DOCK3: variants seen among roughly 807,000 people sequenced by gnomAD.
DOCK3 encodes the protein dedicator of cytokinesis 3, also known as dedicator of cytokinesis protein 3.
A neutral mutation model predicts 265.6 loss-of-function variants in DOCK3; 60 were observed. The ratio of observed to expected loss-of-function variants is 0.23; its 90% confidence interval spans 0.18 to 0.28. DOCK3 has a LOEUF of 0.28. Among genes scored for constraint, DOCK3 ranks in the 10% least tolerant of loss-of-function variants. The pLI is 1.00. For synonymous variants in DOCK3, 881 were observed against 938.0 expected (o/e 0.94, Z 1.11); for missense variants, 1,981 against 2,594.3 (o/e 0.76, Z 5.14).
chr3:50,721,807 G>T (rs1021091395), intron 1 of DOCK3, among the ~76,000 whole-genome samples: 2 of 152,186 alleles, frequency 1.3e-5, no homozygotes, highest in South Asian at 4.2e-4. Flanking sequence ...TAACAATATT[G>T]GTTTCTTCAT....
At chr3:51,360,264 T>G (rs1009515096) in intron 46 of DOCK3, among the ~76,000 whole-genome samples, 1 of 152,218 alleles carries the variant, frequency 6.6e-6, no homozygotes, top group African/African-American at 2.4e-5. Context: ...CAGATGTGCT[T>G]CTCTTAATGT....
At chr3:51,181,009 G>A (rs2087259484) in intron 12 of DOCK3, among the ~76,000 whole-genome samples, 1 of 152,154 alleles carries the variant, frequency 6.6e-6, no homozygotes, top group African/African-American at 2.4e-5. Context: ...AAACCTGGAA[G>A]GAGGAGAAAA....
chr3:51,183,731 T>C (rs1396982724), intron 12 of DOCK3, among the ~76,000 whole-genome samples: 1 of 152,206 alleles, frequency 6.6e-6, no homozygotes, highest in Admixed American at 6.5e-5. Flanking sequence ...ACCAGGCTCC[T>C]ACTCATTCTT....
At chr3:50,715,153 A>G (rs1457038765) in intron 1 of DOCK3, among the ~76,000 whole-genome samples, 2 of 152,268 alleles carry the variant, frequency 1.3e-5, no homozygotes, top group East Asian at 1.9e-4. Context: ...TGCTCAGTGC[A>G]TATGTACTGA....
At chr3:50,739,303 C>T (rs924536095) in intron 1 of DOCK3, among the ~76,000 whole-genome samples, 10 of 152,020 alleles carry the variant, frequency 6.6e-5, no homozygotes, top group Non-Finnish European at 2.9e-5. Flanking sequence ...TGTATCTTCC[C>T]CTTCCTTAAC....
At chr3:51,055,490 G>T (rs543371250) in intron 5 of DOCK3, among the ~76,000 whole-genome samples, 1 of 152,266 alleles carries the variant, frequency 6.6e-6, no homozygotes, top group African/African-American at 2.4e-5. Flanking sequence ...GGATAGTTGT[G>T]CATGGGAAGG....
chr3:50,737,827 C>A (rs781203222), intron 1 of DOCK3, among the ~76,000 whole-genome samples: 1 of 152,136 alleles, frequency 6.6e-6, no homozygotes, highest in Admixed American at 6.5e-5. Context: ...ATTCAGTTGT[C>A]TGTGTTCCCC....
chr3:50,795,753 G>A (rs1438438734), intron 2 of DOCK3, among the ~76,000 whole-genome samples: 2 of 152,164 alleles, frequency 1.3e-5, no homozygotes, highest in Non-Finnish European at 2.9e-5. Context: ...CAAGCTCTGA[G>A]ATTCTTTCCT....
At chr3:50,925,084 T>C (rs1485889249) in intron 4 of DOCK3, among the ~76,000 whole-genome samples, 1 of 125,130 alleles carries the variant, frequency 8.0e-6, no homozygotes, top group Non-Finnish European at 1.9e-5. Flanking sequence ...CAGGTTACTG[T>C]TATTTTTATG....
intron 13 of DOCK3, among the ~76,000 whole-genome samples, chr3:51,213,742 A>T: frequency 6.6e-6 from 1 of 152,118 alleles, no homozygotes; most frequent in Non-Finnish European, 1.5e-5. Context: ...TTCTTTGGTC[A>T]TGTTTGTTTC....
chr3:50,849,884 G>T (rs946752632), intron 3 of DOCK3, among the ~76,000 whole-genome samples: 1 of 151,964 alleles, frequency 6.6e-6, no homozygotes, highest in African/African-American at 2.4e-5. Context: ...AGGACTTTGA[G>T]ACCAGCCTGG....
intron 23 of DOCK3, among the ~76,000 whole-genome samples, chr3:51,263,823 A>T (rs1186436883): frequency 2.0e-5 from 3 of 151,814 alleles, no homozygotes; most frequent in African/African-American, 7.2e-5. Context: ...AAAGTCAAGG[A>T]TATTACATAA....
intron 5 of DOCK3, among the ~76,000 whole-genome samples, chr3:51,039,456 A>G (rs576747223): frequency 2.0e-4 from 30 of 152,248 alleles, no homozygotes; most frequent in African/African-American, 6.7e-4. Flanking sequence ...GTACATGCCT[A>G]TTTAATTTTA....
intron 27 of DOCK3, among the ~76,000 whole-genome samples, chr3:51,298,138 A>G (rs1366097834): frequency 2.0e-5 from 3 of 152,224 alleles, no homozygotes; most frequent in Non-Finnish European, 2.9e-5. Context: ...GTGAATAGGT[A>G]TACTCAGATT....
intron 4 of DOCK3, among the ~76,000 whole-genome samples, chr3:50,926,512 T>C (rs2108088568): frequency 6.6e-6 from 1 of 152,378 alleles, no homozygotes; most frequent in Middle Eastern, 3.4e-3. Context: ...ACTGTGCTTC[T>C]AGTTATGCAT....
At chr3:51,231,152 G>A (rs186493635) in intron 19 of DOCK3, among the ~76,000 whole-genome samples, 4 of 96,976 alleles carry the variant, frequency 4.1e-5, no homozygotes, top group African/African-American at 1.7e-4. Context: ...TTTTTGAGAC[G>A]GAGTCTTGCC....
intron 5 of DOCK3, among the ~76,000 whole-genome samples, chr3:51,058,830 A>C (rs2081294842): frequency 6.6e-6 from 1 of 152,106 alleles, no homozygotes; most frequent in Admixed American, 6.5e-5. Flanking sequence ...TAAGGTAATA[A>C]ATACAAATAT....
At chr3:51,345,502 G>A (rs1015905382) in intron 38 of DOCK3, among the ~76,000 whole-genome samples, 1 of 152,096 alleles carries the variant, frequency 6.6e-6, no homozygotes, top group Non-Finnish European at 1.5e-5. Flanking sequence ...CCCACCTGTA[G>A]TCCTAGCTAC....
At chr3:51,248,969 TGAG>T (rs1420408555) in intron 22 of DOCK3, among the ~76,000 whole-genome samples, 2 of 135,696 alleles carry the variant, frequency 1.5e-5, no homozygotes, top group Non-Finnish European at 3.1e-5. Context: ...GCCGCCCCTA[TGAG>T]AAGTGAGGAG....
Sources: allele counts gnomAD v4.1 joint callset (sites outside exome capture counted in the v4.1 genomes callset), GRCh38; gene constraint gnomAD v4.1.1; transcripts MANE v1.5; gene names NCBI Gene and HGNC (gene_info 2026-07-23, HGNC 2026-07-21).